Variants in SOX5 observed in about 807,000 individuals in gnomAD.
SOX5 encodes transcription factor SOX-5.
Under a neutral mutation model 92.0 loss-of-function variants are expected in SOX5, and 9 were observed. The observed-to-expected ratio is 0.10, with a 90% CI of 0.06 to 0.17. The LOEUF is 0.17. Among genes scored for constraint, SOX5 ranks in the 10% least tolerant of loss-of-function variants. The pLI is 1.00. For synonymous variants in SOX5, 344 were observed against 336.3 expected, an observed-to-expected ratio of 1.02 and a Z score of -0.25; for missense variants, 642 against 944.5, an observed-to-expected ratio of 0.68 and a Z score of 4.20.
At chr12:23,978,853 A>T (rs1949203267) in intron 4 of SOX5, among the ~76,000 whole-genome samples, 1 of 152,202 alleles carries the variant, frequency 6.6e-6, no homozygotes, top group Non-Finnish European at 1.5e-5. Context: ...ACCTTTAGAC[A>T]CTATCCAGAC....
chr12:24,245,233 ATT>A (rs1491161034), intron 3 of SOX5, among the ~76,000 whole-genome samples: 2 of 104,940 alleles, frequency 1.9e-5, no homozygotes, highest in Admixed American at 2.3e-4. Flanking sequence ...GTTTGGAGAG[ATT>A]TGTGTGTGTG....
At chr12:24,211,482 C>T (rs12310347) in intron 4 of SOX5, among the ~76,000 whole-genome samples, 2,213 of 152,320 alleles carry the variant, frequency 0.015, 51 homozygotes, top group African/African-American at 0.05. Flanking sequence ...GGAAATGACT[C>T]TATCAAAAAC....
intron 2 of SOX5, among the ~76,000 whole-genome samples, chr12:24,332,056 A>G (rs916650429): frequency 6.6e-6 from 1 of 152,086 alleles, no homozygotes; most frequent in African/African-American, 2.4e-5. Flanking sequence ...CTCAAAAAAC[A>G]AGAAAGCATA....
chr12:24,476,311 T>C (rs1427797942), intron 1 of SOX5, among the ~76,000 whole-genome samples: 1 of 152,224 alleles, frequency 6.6e-6, no homozygotes, highest in Non-Finnish European at 1.5e-5. Context: ...TCTTACTGTG[T>C]TTTCTACCAG....
intron 1 of SOX5, among the ~76,000 whole-genome samples, chr12:24,490,018 G>C (rs111233068): frequency 3.3e-5 from 5 of 152,198 alleles, no homozygotes; most frequent in Admixed American, 2.0e-4. Context: ...CAAAATCAGC[G>C]TAGAAGCCCT....
chr12:23,588,178 G>A (rs1951012500), intron 9 of SOX5, among the ~76,000 whole-genome samples: 1 of 151,998 alleles, frequency 6.6e-6, no homozygotes, highest in African/African-American at 2.4e-5. Flanking sequence ...TGCTTAGCTT[G>A]ATGATATATT....
At chr12:24,286,613 T>C (rs375426926) in intron 2 of SOX5, among the ~76,000 whole-genome samples, 105 of 152,236 alleles carry the variant, frequency 6.9e-4, no homozygotes, top group African/African-American at 2.2e-3. Context: ...TCATAGCTCA[T>C]TGCAACCTCA....
intron 1 of SOX5, among the ~76,000 whole-genome samples, chr12:24,448,043 T>A (rs755833035): frequency 6.6e-6 from 1 of 152,076 alleles, no homozygotes; most frequent in Non-Finnish European, 1.5e-5. Flanking sequence ...TAGCTGGGCA[T>A]TGGTGGCATG....
intron 4 of SOX5, among the ~76,000 whole-genome samples, chr12:24,092,148 C>G (rs1944731683): frequency 6.6e-6 from 1 of 152,162 alleles, no homozygotes. Flanking sequence ...CAGTTTTCAT[C>G]TCACTCCTAT....
At chr12:24,373,919 C>T (rs117612295) in intron 1 of SOX5, among the ~76,000 whole-genome samples, 74 of 152,272 alleles carry the variant, frequency 4.9e-4, no homozygotes, top group Non-Finnish European at 8.5e-4. Context: ...GGCCACTAAT[C>T]GGCTTTGAGT....
intron 3 of SOX5, among the ~76,000 whole-genome samples, chr12:23,842,991 A>G (rs1249273236): frequency 6.6e-6 from 1 of 152,190 alleles, no homozygotes; most frequent in Non-Finnish European, 1.5e-5. Flanking sequence ...GCCAACACCA[A>G]CATTCTTAAT....
intron 1 of SOX5, among the ~76,000 whole-genome samples, chr12:24,391,565 A>C (rs1448870182): frequency 1.3e-5 from 2 of 152,172 alleles, no homozygotes; most frequent in Non-Finnish European, 2.9e-5. Context: ...TCCCTTACGT[A>C]CAGTTCTTCG....
chr12:24,281,651 G>T (rs1394514490), intron 2 of SOX5, among the ~76,000 whole-genome samples: 3 of 152,174 alleles, frequency 2.0e-5, no homozygotes, highest in Non-Finnish European at 4.4e-5. Context: ...TGAAACAAAA[G>T]AGCACAATAA....
chr12:23,978,050 C>T (rs551578754), intron 4 of SOX5, among the ~76,000 whole-genome samples: 46 of 152,322 alleles, frequency 3.0e-4, no homozygotes, highest in African/African-American at 1.1e-3. Flanking sequence ...TTAAATGACA[C>T]CTTACTGGAG....
At chr12:24,200,561 G>T (rs543838923) in intron 4 of SOX5, among the ~76,000 whole-genome samples, 3 of 152,016 alleles carry the variant, frequency 2.0e-5, no homozygotes, top group Non-Finnish European at 4.4e-5. Flanking sequence ...CAACATTTGG[G>T]TGTCTGTGGA....
chr12:23,614,621 C>T (rs1431467266), intron 8 of SOX5, among the ~76,000 whole-genome samples: 1 of 152,168 alleles, frequency 6.6e-6, no homozygotes, highest in African/African-American at 2.4e-5. Flanking sequence ...CTGCTATGAA[C>T]ATTCCGGTAC....
chr12:24,498,545 A>G (rs535644431), intron 1 of SOX5, among the ~76,000 whole-genome samples: 2 of 152,272 alleles, frequency 1.3e-5, no homozygotes, highest in African/African-American at 4.8e-5. Flanking sequence ...ACTTATAACA[A>G]TACATTTTCA....
chr12:24,263,543 A>AAC (rs1391672272), intron 3 of SOX5, among the ~76,000 whole-genome samples: 2 of 143,944 alleles, frequency 1.4e-5, no homozygotes, highest in East Asian at 3.9e-4. Context: ...AAAAAAAACA[A>AAC]AAAAAAAAAC....
intron 6 of SOX5, among the ~76,000 whole-genome samples, chr12:23,719,811 A>AAAAAAAG (rs56277947): frequency 7.0e-6 from 1 of 143,652 alleles, no homozygotes; most frequent in Non-Finnish European, 1.5e-5. Flanking sequence ...AAAAAAAAAA[A>AAAAAAAG]CTGATGGATA....
Sources: gnomAD v4.1 joint callset for allele counts (sites outside exome capture counted in the v4.1 genomes callset) on GRCh38, gnomAD v4.1.1 for gene constraint, MANE v1.5 for transcripts, NCBI Gene and HGNC (gene_info 2026-07-23, HGNC 2026-07-21) for gene names.